The following DNAH14 variants were observed in gnomAD, a reference collection of about 807,000 sequenced individuals.
The protein encoded by DNAH14 is axonemal beta dynein heavy chain 14.
Under a neutral mutation model 520.9 loss-of-function variants are expected in DNAH14, and 478 were observed. That is an observed-to-expected ratio of 0.92 (90% CI 0.85 to 0.99). The LOEUF (loss-of-function observed/expected upper bound fraction) is 0.99, where lower values mean the gene tolerates loss of function less well. Ranked by LOEUF, DNAH14 falls within the 50% of genes least tolerant of loss-of-function variation. The pLI is 0.00. For synonymous variants in DNAH14, 1,581 were observed against 1,757.2 expected, an observed-to-expected ratio of 0.90 and a Z score of 2.51; for missense variants, 4,831 against 5,234.5, an observed-to-expected ratio of 0.92 and a Z score of 2.38.
intron 83 of DNAH14, among the ~76,000 whole-genome samples, chr1:225,390,497 C>A (rs2150838278): frequency 6.6e-6 from 1 of 152,200 alleles, no homozygotes; most frequent in Admixed American, 6.5e-5. Context: ...AGCACACACA[C>A]ACAAAAAGCT....
At chr1:225,104,800 C>A (rs191515597) in intron 23 of DNAH14, among the ~76,000 whole-genome samples, 1 of 151,864 alleles carries the variant, frequency 6.6e-6, no homozygotes, top group African/African-American at 2.4e-5. Flanking sequence ...GTCTTGCTAG[C>A]GGTCTATCAA....
rs1325743804 is a variant in DNAH14 at position 225,252,284 on chromosome 1, A to G, written c.6749-17A>G. 3.3e-5 allele frequency: 45 copies of G among 1,382,436 alleles called. No individual in the cohort carries two copies. Among genetic ancestry groups the G allele is most frequent in the Non-Finnish European group, 4.1e-5 (41 of 993,680 alleles). 85.6% of individuals were successfully genotyped at this position (1,382,436 alleles called of 1,614,324 possible). On this transcript the variant is annotated splice_polypyrimidine_tract_variant and intron_variant, in intron 43 of 85. Transcript: ENST00000682510. The stretch of plus-strand genomic sequence containing the variant: ...CTGAACCCCTTTCTTAGTTGAATTT[A>G]TTATTTTCGGTTGTAGGCATCAACC...
At chr1:225,133,008 C>A (rs528480387) in intron 27 of DNAH14, among the ~76,000 whole-genome samples, 1 of 151,872 alleles carries the variant, frequency 6.6e-6, no homozygotes, top group Non-Finnish European at 1.5e-5. Context: ...GTTTGTTGGG[C>A]GCATGTATGT....
chr1:224,945,957 G>A (rs138620918), intron 1 of DNAH14, among the ~76,000 whole-genome samples: 2,168 of 152,300 alleles, frequency 0.014, no homozygotes, highest in South Asian at 0.021. Flanking sequence ...TGAGGAGGCA[G>A]TCTGTCCGTT....
In DNAH14 at chr1:225,324,938, T is replaced by C. The variant is rs932847048; in HGVS notation, c.9723+106T>C. 9.1e-6 allele frequency: 6 copies of C among 658,304 alleles called. No homozygotes were observed. The African/African-American group carries it at 1.1e-4, about 12-fold the overall frequency. 40.8% of individuals were successfully genotyped at this position (658,304 alleles called of 1,614,324 possible). On this transcript the variant is annotated intron_variant, in intron 64 of 85. Coordinates refer to ENST00000682510, the MANE Select transcript of DNAH14 (RefSeq NM_001367479.1). ...GATAAGATGGAAATAATAATATAGG[T>C]AGTGAAAAGATTAATTGTGAGGATT...
At chr1:225,211,643 G>A (rs1180964347) in intron 41 of DNAH14, among the ~76,000 whole-genome samples, 1 of 151,918 alleles carries the variant, frequency 6.6e-6, no homozygotes, top group Non-Finnish European at 1.5e-5. Context: ...AAGAAATACA[G>A]AGAACAATAA....
chr1:225,110,949 T>C (rs2076428532), intron 23 of DNAH14, among the ~76,000 whole-genome samples: 3 of 152,142 alleles, frequency 2.0e-5, no homozygotes, highest in African/African-American at 7.2e-5. Context: ...CCTCTTGTAA[T>C]TGAATTCTAG....
chr1:225,242,852 C>T (rs562009964), intron 43 of DNAH14, among the ~76,000 whole-genome samples: 16 of 152,210 alleles, frequency 1.1e-4, no homozygotes, highest in South Asian at 6.2e-4. Flanking sequence ...ATGACAGCTA[C>T]GATGTTACGA....
At chr1:225,184,863 A>C (rs1222063274) in intron 36 of DNAH14, among the ~76,000 whole-genome samples, 4 of 152,100 alleles carry the variant, frequency 2.6e-5, no homozygotes, top group Non-Finnish European at 4.4e-5. Flanking sequence ...TAAGACAAGG[A>C]TGCCCACTCA....
intron 37 of DNAH14, among the ~76,000 whole-genome samples, chr1:225,185,703 T>C (rs775370372): frequency 4.6e-5 from 7 of 151,798 alleles, no homozygotes; most frequent in Admixed American, 4.6e-4. Flanking sequence ...TGAATCATCT[T>C]CACATGAAAA....
At chr1:225,137,038 A>G (rs2079009259) in intron 27 of DNAH14, among the ~76,000 whole-genome samples, 1 of 152,150 alleles carries the variant, frequency 6.6e-6, no homozygotes, top group Admixed American at 6.5e-5. Flanking sequence ...TGTTCTGGCT[A>G]TCAGCTCCTG....
intron 54 of DNAH14, among the ~76,000 whole-genome samples, chr1:225,284,352 A>G (rs2093690869): frequency 6.6e-6 from 1 of 152,162 alleles, no homozygotes. Context: ...AAAAAAGATT[A>G]TAAGAGAATA....
intron 81 of DNAH14, among the ~76,000 whole-genome samples, chr1:225,382,118 T>C (rs2095790727): frequency 6.6e-6 from 1 of 152,210 alleles, no homozygotes; most frequent in South Asian, 2.1e-4. Context: ...CCCTGAATCC[T>C]ATACCAGATT....
chr1:225,177,823 GA>G (rs2083495109), intron 36 of DNAH14, among the ~76,000 whole-genome samples: 1 of 152,200 alleles, frequency 6.6e-6, no homozygotes, highest in Admixed American at 6.5e-5. Context: ...GGGTAGTGCA[GA>G]AGGGAAATGT....
Position 225,346,197 on chromosome 1 carries a change from T to C in DNAH14, c.10914T>C (p.Phe3638=). Residue 3638 remains phenylalanine, a synonymous_variant, in exon 70 of 86, where the codon TTT becomes TTC. Transcript: ENST00000682510. The part of the protein sequence containing the change: ...QFSLDWFHQV[F]VSSVVSKSKE... ...CCCTAGACTGGTTTCATCAGGTTTT[T>C]GTTTCATCAGTAGTTTCCAAAAGCA... is the stretch of plus-strand genomic sequence containing the variant. 2 of 1,551,616 alleles carry C rather than the reference T, an allele frequency of 1.3e-6. No homozygotes were observed. The highest frequency in any genetic ancestry group is 1.2e-5 in the South Asian group (1 of 84,046).
At chr1:225,363,052 A>T (rs1433998716) in intron 75 of DNAH14, among the ~76,000 whole-genome samples, 1 of 151,826 alleles carries the variant, frequency 6.6e-6, no homozygotes, top group East Asian at 1.9e-4. Context: ...TGTTTTGCAA[A>T]TTTTTTAAAA....
chr1:224,967,533 G>A lies in DNAH14; in HGVS notation c.601G>A (p.Ala201Thr), dbSNP rs2061260220. Residue 201 changes from alanine to threonine, a missense_variant, in exon 6 of 86, where the codon GCT becomes ACT. Coordinates refer to ENST00000682510, the MANE Select transcript of DNAH14 (RefSeq NM_001367479.1). ...TCTTCAGGTAGTATCGGCTCATACT[G>A]CTAAACATTGCAAAGAATTTTGGGT... The part of the protein sequence containing the change: ...YDLQVVSAHT[A>T]KHCKEFWVIT... 4 of 1,603,784 alleles carry A rather than the reference G, an allele frequency of 2.5e-6. No homozygotes were observed. Among genetic ancestry groups the A allele is most frequent in the Non-Finnish European group, 3.4e-6 (4 of 1,176,078 alleles).
chr1:224,960,446 C>A, intron 4 of DNAH14, 144 bp downstream of exon 4: 1 of 906,382 alleles, frequency 1.1e-6, no homozygotes, highest in Non-Finnish European at 1.5e-6. Flanking sequence ...AGGATTATTA[C>A]AATGCTTTTA....
At position 224,978,746 on chromosome 1, in the gene DNAH14, C is replaced by T. The variant is rs1209734650; in HGVS notation, c.830+4593C>T. Among the ~76,000 whole-genome samples the T allele has an allele frequency of 2.6e-5, 4 of 152,162 alleles. No individual in the cohort carries two copies. In the East Asian group the frequency reaches 7.7e-4, roughly 29 times the overall value. Reference sequence around the variant, plus strand: ...CTCAAACTCCTGGGCTGAAGCAGTTCTCCCACCTCAGCCTCCTGAATACCT... The same window carrying T: ...CTCAAACTCCTGGGCTGAAGCAGTTTTCCCACCTCAGCCTCCTGAATACCT... On this transcript the variant is annotated intron_variant, in intron 8 of 85. Transcript: ENST00000682510.
Sources: gnomAD v4.1 joint callset for allele counts (sites outside exome capture counted in the v4.1 genomes callset) on GRCh38, gnomAD v4.1.1 for gene constraint, MANE v1.5 for transcripts, NCBI Gene and HGNC (gene_info 2026-07-23, HGNC 2026-07-21) for gene names.